Variants in NPLOC4 observed in about 807,000 individuals in gnomAD.
NPLOC4 encodes nuclear protein localization protein 4 homolog.
Under a neutral mutation model 80.6 loss-of-function variants are expected in NPLOC4, and 18 were observed. The observed-to-expected ratio is 0.22, with a 90% confidence interval of 0.15 to 0.33. The LOEUF is 0.33. NPLOC4 is among the 10% of genes least tolerant of loss of function. The pLI is 1.00. For missense variants in NPLOC4, 540 were observed against 786.1 expected (o/e 0.69, Z 3.74); for synonymous variants, 313 against 301.5 (o/e 1.04, Z -0.39).
rs1427018929 is a variant in NPLOC4 at position 81,577,336 on chromosome 17, C to G, written c.1282-5248G>C. On this transcript the variant is annotated intron_variant, in intron 12 of 16. Transcript: ENST00000331134. The surrounding 1 kb of genome is among the most constrained non-coding windows in gnomAD (Gnocchi z 4.3). ...GCACCAGGACATCACCCTCCCACCT[C>G]TCCCAGACCCTTCTCCTTGACCTCT... Among the ~76,000 whole-genome samples, 1 of 152,048 alleles carries G rather than the reference C, an allele frequency of 6.6e-6. No homozygotes were observed. The highest frequency in any genetic ancestry group is 2.4e-5 in the African/African-American group (1 of 41,392).
chr17:81,573,535 CAGTT>C (rs2144068088), intron 12 of NPLOC4: 1 of 152,362 alleles, frequency 6.6e-6, no homozygotes, highest in African/African-American at 2.4e-5. Flanking sequence ...TGTTAACAGT[CAGTT>C]ACAGATCCAA....
At chr17:81,616,455 G>C (rs1235950355) in intron 3 of NPLOC4, among the ~76,000 whole-genome samples, 1 of 152,002 alleles carries the variant, frequency 6.6e-6, no homozygotes, top group African/African-American at 2.4e-5. Context: ...CATGGGCCAG[G>C]CACAGTGGCT....
rs1440519574 is a variant in NPLOC4 at position 81,597,443 on chromosome 17, G to A, written c.922-127C>T. On this transcript the variant is annotated intron_variant, in intron 9 of 16. Coordinates refer to ENST00000331134, the MANE Select transcript of NPLOC4 (RefSeq NM_017921.4). ...AGGCAGGAGAATCACGAGGTTAAGA[G>A]ATCGAGACCATCCTGGCCAATACAG... 8 of 712,506 alleles carry A rather than the reference G, an allele frequency of 1.1e-5. No individual in the cohort carries two copies. The South Asian group carries it at 1.3e-4, about 11-fold the overall frequency. 44.1% of individuals were successfully genotyped at this position (712,506 alleles called of 1,614,324 possible). A position where few individuals can be genotyped will look rare whatever the true frequency, so the allele number is the denominator to read the frequency against.
rs747945294 is a variant in NPLOC4, at chr17:81,629,707, T to C, written c.96+18A>G. The C allele has an allele frequency of 1.7e-5, 27 of 1,582,146 alleles. No individual in the cohort carries two copies. In the South Asian group the frequency reaches 2.7e-4, roughly 16 times the overall value. On this transcript the variant is annotated intron_variant, in intron 2 of 16. Transcript: ENST00000331134. ...GGATGAAAAATATCCTGAGGGTCAA[T>C]ACCCAGGCCACAGATACCTTTTTCA...
intron 2 of NPLOC4, among the ~76,000 whole-genome samples, chr17:81,626,980 C>T (rs1018315931): frequency 6.6e-6 from 1 of 151,754 alleles, no homozygotes; most frequent in Non-Finnish European, 1.5e-5. Flanking sequence ...GTCCCAGCTA[C>T]TCGGGAGGCT....
rs2034343410 is a variant in NPLOC4 at position 81,577,911 on chromosome 17, C to CTCCCCAACTCCAAACCGT, written c.1282-5841_1282-5824dup. Among the ~76,000 whole-genome samples, 1 of 152,192 alleles carries CTCCCCAACTCCAAACCGT rather than the reference C, an allele frequency of 6.6e-6. No individual in the cohort carries two copies. The highest frequency in any genetic ancestry group is 6.5e-5 in the Admixed American group (1 of 15,284). On this transcript the variant is annotated intron_variant, in intron 12 of 16. Transcript: ENST00000331134. This position sits in a 1 kb window ranked among gnomAD's most constrained non-coding sequence, Gnocchi z 4.3. ...CCAACACCACCAGCTTCTCACTGGG[C>CTCCCCAACTCCAAACCGT]TCCCCAACTCCAAACCGTTCCCCAC...
chr17:81,569,205 A>C, intron 13 of NPLOC4, 94 bp from the exon 14 acceptor site: 4 of 744,010 alleles, frequency 5.4e-6, no homozygotes, highest in East Asian at 2.5e-5. Context: ...AGCCCAAATT[A>C]ACGACTCCTA....
chr17:81,632,118 G>A (rs2035947717), intron 1 of NPLOC4, among the ~76,000 whole-genome samples: 2 of 149,588 alleles, frequency 1.3e-5, no homozygotes, highest in Admixed American at 6.7e-5. Context: ...TGGGATTACA[G>A]GCGTGCACCA....
chr17:81,609,449 G>T (rs867979534), intron 5 of NPLOC4, among the ~76,000 whole-genome samples: 32 of 152,114 alleles, frequency 2.1e-4, no homozygotes, highest in African/African-American at 7.5e-4. Context: ...TGGGACTACA[G>T]GCGTGAACCA....
rs566183508 is a variant in NPLOC4 at position 81,602,207 on chromosome 17, G to A, written c.835-1780C>T. The stretch of plus-strand genomic sequence containing the variant: ...AGGTAAGAGGATCTCGCTCAGGAGC[G>A]AGACCTTGTTTCAAAACAAAACAAA... On this transcript the variant is annotated intron_variant, in intron 8 of 16. Transcript: ENST00000331134. Among the ~76,000 whole-genome samples, 33 of 152,134 alleles carry A rather than the reference G, an allele frequency of 2.2e-4. 1 individual carries two copies. Among genetic ancestry groups the A allele is most frequent in the African/African-American group, 6.5e-4 (27 of 41,486 alleles).
At chr17:81,587,492 G>C (rs1341603558) in intron 12 of NPLOC4, among the ~76,000 whole-genome samples, 5 of 147,546 alleles carry the variant, frequency 3.4e-5, no homozygotes, top group South Asian at 2.2e-4. Flanking sequence ...ACTTTTTGTA[G>C]TTTTAGTAGA....
rs1420613247 is a variant in NPLOC4, at chr17:81,577,010, G to T, written c.1282-4922C>A. Among the ~76,000 whole-genome samples, 1 of 152,196 alleles carries T rather than the reference G, an allele frequency of 6.6e-6. No homozygotes were observed. The highest frequency in any genetic ancestry group is 1.5e-5 in the Non-Finnish European group (1 of 68,034). ...AGCAATTCATCCCAAGTAATTTAAA[G>T]CATGCACTAAGAATGAGTTACAGGG... On this transcript the variant is annotated intron_variant, in intron 12 of 16. Transcript: ENST00000331134. This position sits in a 1 kb window ranked among gnomAD's most constrained non-coding sequence, Gnocchi z 4.3.
intron 11 of NPLOC4, among the ~76,000 whole-genome samples, chr17:81,589,598 C>A (rs1479509576): frequency 1.3e-5 from 2 of 151,720 alleles, no homozygotes; most frequent in African/African-American, 4.8e-5. Flanking sequence ...AGCACAAGAC[C>A]TAGCACAGTC....
At chr17:81,610,693 C>T (rs1598664458) in intron 4 of NPLOC4, among the ~76,000 whole-genome samples, 1 of 34,714 alleles carries the variant, frequency 2.9e-5, no homozygotes, top group Admixed American at 2.1e-4. Context: ...TGGCTCACGC[C>T]TGTAATCCCA....
Position 81,613,431 on chromosome 17 carries a change from C to A in NPLOC4, c.273G>T (p.Thr91=), listed in dbSNP as rs17852306. 74,851 of 1,613,814 alleles carry A rather than the reference C, an allele frequency of 0.046. 2,924 individuals carry two copies. Among genetic ancestry groups the A allele is most frequent in the East Asian group, 0.25 (11,234 of 44,858 alleles). Residue 91 remains threonine, a synonymous_variant, in exon 4 of 17, where the codon ACG becomes ACT. Coordinates refer to ENST00000331134, the MANE Select transcript of NPLOC4 (RefSeq NM_017921.4). ...AGACTTTGAAGCCCGGTGGAACTGA[C>A]GTCTCCATTTCAGATGAGGGCCCAG... ...SLAGPSSEME[T]SVPPGFKVFG...
chr17:81,593,363 C>T (rs1474591654), intron 11 of NPLOC4, among the ~76,000 whole-genome samples: 1 of 152,068 alleles, frequency 6.6e-6, no homozygotes, highest in Non-Finnish European at 1.5e-5. Context: ...CCCTTGCCCA[C>T]ACAGGCCAGT....
At chr17:81,633,525 G>A (rs1292888730) in intron 1 of NPLOC4, among the ~76,000 whole-genome samples, 3 of 152,162 alleles carry the variant, frequency 2.0e-5, no homozygotes, top group African/African-American at 7.2e-5. Context: ...TTTGTACGAT[G>A]GAAAGTTCTG....
chr17:81,630,344 G>C (rs1375811645), intron 1 of NPLOC4, among the ~76,000 whole-genome samples: 1 of 152,036 alleles, frequency 6.6e-6, no homozygotes, highest in African/African-American at 2.4e-5. Flanking sequence ...CTGGAGTGCA[G>C]TGGCAAAATC....
Position 81,557,523 on chromosome 17 carries a change from C to T in NPLOC4, c.*1736G>A, listed in dbSNP as rs915728575. 6.6e-6 allele frequency: 1 copy of T among 152,246 alleles called. No homozygotes were observed. The highest frequency in any genetic ancestry group is 2.4e-5 in the African/African-American group (1 of 41,446). 9.4% of individuals were successfully genotyped at this position (152,246 alleles called of 1,614,324 possible). A position where few individuals can be genotyped will look rare whatever the true frequency, so the allele number is the denominator to read the frequency against. On this transcript the variant is annotated 3_prime_UTR_variant, in exon 17 of 17. Coordinates refer to ENST00000331134, the MANE Select transcript of NPLOC4 (RefSeq NM_017921.4). Reference sequence around the variant, plus strand: ...ACGCGGCTCTCTCTAGAAGTCCGTGCTGTCCAGCCTCTGCCCAGTGGTGGG... The same window carrying T: ...ACGCGGCTCTCTCTAGAAGTCCGTGTTGTCCAGCCTCTGCCCAGTGGTGGG...
Sources: gnomAD v4.1 joint callset for allele counts (sites outside exome capture counted in the v4.1 genomes callset) on GRCh38, gnomAD v4.1.1 for gene constraint, Gnocchi (gnomAD v3.1) non-coding constraint, MANE v1.5 for transcripts, NCBI Gene and HGNC (gene_info 2026-07-23, HGNC 2026-07-21) for gene names.